The following TTC34 variants were observed in gnomAD, a reference collection of about 807,000 sequenced individuals.
The protein encoded by TTC34 is tetratricopeptide repeat protein 34.
In TTC34, 44 loss-of-function variants were observed where a neutral mutation model predicts 40.7. The ratio of observed to expected loss-of-function variants is 1.08; its 90% CI spans 0.85 to 1.39. The LOEUF (loss-of-function observed/expected upper bound fraction) is 1.39, where lower values mean the gene tolerates loss of function less well. Among genes scored for constraint, TTC34 ranks in the 40% most tolerant of loss-of-function variants. The probability of loss-of-function intolerance (pLI) is 0.00; values close to 1 mark genes in which losing one functional copy is unlikely to be tolerated. For missense variants in TTC34, 884 were observed against 838.0 expected (o/e 1.05, Z -0.68); for synonymous variants, 422 against 398.6 (o/e 1.06, Z -0.70).
At chr1:2,788,075 C>T (rs1188743659) in intron 3 of TTC34, among the ~76,000 whole-genome samples, 1 of 152,246 alleles carries the variant, frequency 6.6e-6, no homozygotes, top group Non-Finnish European at 1.5e-5. Context: ...CATGGCTGCA[C>T]CTGGCATGTT....
intron 6 of TTC34, among the ~76,000 whole-genome samples, chr1:2,648,803 AG>A (rs1393501937): frequency 6.7e-6 from 1 of 149,332 alleles, no homozygotes; most frequent in Non-Finnish European, 1.5e-5. Flanking sequence ...CCACACTCAC[AG>A]GTGAGTGTGG....
exon 9 of TTC34, chr1:2,641,594 T>C (rs1638904465): frequency 1.3e-6 from 2 of 1,533,676 alleles, no homozygotes; most frequent in African/African-American, 2.7e-5. Flanking sequence ...GGGCGCCAGC[T>C]TCAGGGCCTG....
intron 6 of TTC34, among the ~76,000 whole-genome samples, chr1:2,748,408 G>A (rs1641216221): frequency 1.4e-5 from 2 of 142,684 alleles, no homozygotes; most frequent in Admixed American, 1.4e-4. Flanking sequence ...AACCCCAGGT[G>A]AGCATCTGAG....
chr1:2,793,719 C>A (rs1344277621), intron 2 of TTC34, among the ~76,000 whole-genome samples: 1 of 152,196 alleles, frequency 6.6e-6, no homozygotes, highest in Admixed American at 6.5e-5. Context: ...TCATCTGTCA[C>A]CTGTTAAGTT....
At chr1:2,644,775 A>T (rs1638985578) in intron 7 of TTC34, among the ~76,000 whole-genome samples, 1 of 152,194 alleles carries the variant, frequency 6.6e-6, no homozygotes, top group Non-Finnish European at 1.5e-5. Flanking sequence ...GCAGAGTGGC[A>T]TGTGGGGAGC....
chr1:2,645,700 A>G lies in TTC34; in HGVS notation c.2227-137T>C. On this transcript the variant is annotated intron_variant, in intron 6 of 8. Transcript: ENST00000401095. The surrounding 1 kb of genome is among the most constrained non-coding windows in gnomAD (Gnocchi z 4.7). ...GGGGTCCTAGAGGGTCTGAACACCC[A>G]GCTTCCTGCCCCTTCCTGCTTCTCT... 1 of 861,830 alleles carries G rather than the reference A, an allele frequency of 1.2e-6. No homozygotes were observed. The highest frequency in any genetic ancestry group is 1.6e-6 in the Non-Finnish European group (1 of 628,268). 53.4% of individuals were successfully genotyped at this position (861,830 alleles called of 1,614,324 possible).
chr1:2,677,470 ACACGGAGCAGCACCCACACC>A (rs1639948252), intron 6 of TTC34, among the ~76,000 whole-genome samples: 1 of 10,752 alleles, frequency 9.3e-5, no homozygotes, highest in Non-Finnish European at 2.0e-4. Context: ...GCATCTGAAC[ACACGGAGCAGCACCCACACC>A]CCCAGGCGAG....
intron 6 of TTC34, among the ~76,000 whole-genome samples, chr1:2,756,896 A>AGCACCAACACCAACAG (rs1641525095): frequency 6.6e-6 from 1 of 150,916 alleles, no homozygotes; most frequent in African/African-American, 2.4e-5. Context: ...GGTCTGGAGC[A>AGCACCAACACCAACAG]GTACCCACAC....
intron 3 of TTC34, 139 bp downstream of exon 3, chr1:2,789,364 C>T: frequency 1.2e-6 from 1 of 805,774 alleles, no homozygotes; most frequent in Non-Finnish European, 1.8e-6. Flanking sequence ...CGGAGCTAGA[C>T]CTGCCTCGGG....
At position 2,641,560 on chromosome 1, in the gene TTC34, G is replaced by C. The variant is rs769825854; in HGVS notation, c.3048C>G (p.Cys1016Trp). The C allele has an allele frequency of 2.5e-5, 39 of 1,533,466 alleles. No individual in the cohort carries two copies. In the East Asian group the frequency reaches 2.7e-4, roughly 11 times the overall value. 95.0% of individuals were successfully genotyped at this position (1,533,466 alleles called of 1,614,324 possible). The change falls in exon 9 of 9, where the codon TGC becomes TGG. Residue 1016 changes from cysteine to tryptophan, a missense_variant. Cys to Trp is a radical substitution (Grantham distance 215, BLOSUM62 -2). Transcript: ENST00000401095. ...CAGTGGGGGCCCGGCCTGGCTGCCT[G>C]CACAGGCTGTTCTGGGCCAAGGAGG...
chr1:2,759,882 C>T (rs1391383751), intron 6 of TTC34, among the ~76,000 whole-genome samples: 1 of 146,802 alleles, frequency 6.8e-6, no homozygotes, highest in African/African-American at 2.6e-5. Context: ...ATCCTGCACC[C>T]TCAGGTGAGC....
intron 6 of TTC34, among the ~76,000 whole-genome samples, chr1:2,697,202 T>A (rs61766472): frequency 1.1e-3 from 11 of 9,594 alleles, no homozygotes; most frequent in East Asian, 7.6e-3. Flanking sequence ...AGCACCCACA[T>A]CCCCAGGTGA....
chr1:2,657,383 C>T (rs183922462), intron 6 of TTC34, among the ~76,000 whole-genome samples: 2 of 94,494 alleles, frequency 2.1e-5, no homozygotes, highest in African/African-American at 6.4e-5. Context: ...ACCCACACCC[C>T]GAGGTGAGCA....
intron 2 of TTC34, among the ~76,000 whole-genome samples, chr1:2,797,907 G>A (rs1047840174): frequency 2.6e-5 from 4 of 151,896 alleles, no homozygotes; most frequent in African/African-American, 9.7e-5. Context: ...CCACAATCTC[G>A]TCACTTCTAA....
chr1:2,640,440 A>C (rs1378491162), exon 9 of TTC34: 1 of 152,000 alleles, frequency 6.6e-6, no homozygotes, highest in Admixed American at 6.6e-5. Context: ...CAGCTTCGGG[A>C]GACAGGTCTG....
chr1:2,683,678 AGGT>A (rs1640186411), intron 6 of TTC34, among the ~76,000 whole-genome samples: 3 of 144,206 alleles, frequency 2.1e-5, no homozygotes, highest in Admixed American at 2.1e-4. Context: ...CTGCACCCCC[AGGT>A]GACGATCTGA....
At chr1:2,775,914 T>G (rs1643111286) in intron 6 of TTC34, 1 of 125,220 alleles carries the variant, frequency 8.0e-6, no homozygotes, top group Non-Finnish European at 1.6e-5. Flanking sequence ...GGTGCCATTG[T>G]AGGTTTTTGG....
chr1:2,646,528 G>A (rs762738960), intron 6 of TTC34, among the ~76,000 whole-genome samples: 15 of 152,260 alleles, frequency 9.9e-5, no homozygotes, highest in Non-Finnish European at 2.1e-4. Context: ...GGGACCACAG[G>A]CACATGCCAC....
At chr1:2,768,600 A>G (rs972458005) in intron 6 of TTC34, among the ~76,000 whole-genome samples, 1 of 151,958 alleles carries the variant, frequency 6.6e-6, no homozygotes, top group African/African-American at 2.4e-5. Context: ...AGCAGCTGAA[A>G]GCCTGGAATG....
Sources: allele counts gnomAD v4.1 joint callset (sites outside exome capture counted in the v4.1 genomes callset), GRCh38; gene constraint gnomAD v4.1.1; non-coding constraint Gnocchi (gnomAD v3.1); transcripts MANE v1.5; gene names NCBI Gene and HGNC (gene_info 2026-07-23, HGNC 2026-07-21).